ATP10B: variants seen among roughly 807,000 people sequenced by gnomAD.
ATP10B encodes phospholipid-transporting ATPase VB.
Under a neutral mutation model 141.2 loss-of-function variants are expected in ATP10B, and 122 were observed. The ratio of observed to expected loss-of-function variants is 0.86; its 90% CI spans 0.75 to 1.00. ATP10B has a LOEUF of 1.00. Ranked by LOEUF, ATP10B falls within the 50% of genes least tolerant of loss-of-function variation. The probability of loss-of-function intolerance (pLI) is 0.00; values close to 1 mark genes in which losing one functional copy is unlikely to be tolerated. For synonymous variants in ATP10B, 685 were observed against 692.0 expected (o/e 0.99, Z 0.16); for missense variants, 1,876 against 1,825.3 (o/e 1.03, Z -0.51).
At chr5:160,795,642 T>C (rs1021125013) in intron 1 of ATP10B, among the ~76,000 whole-genome samples, 1 of 151,592 alleles carries the variant, frequency 6.6e-6, no homozygotes, top group Non-Finnish European at 1.5e-5. Context: ...GTTGAGAGGA[T>C]CATCCTAGAT....
At chr5:160,658,186 A>T (rs1427162786) in intron 7 of ATP10B, among the ~76,000 whole-genome samples, 1 of 152,236 alleles carries the variant, frequency 6.6e-6, no homozygotes, top group Non-Finnish European at 1.5e-5. Flanking sequence ...CAACAGGAGG[A>T]CCTCATCAGA....
At chr5:160,574,133 G>T (rs1755047594) in intron 24 of ATP10B, among the ~76,000 whole-genome samples, 1 of 152,074 alleles carries the variant, frequency 6.6e-6, no homozygotes, top group South Asian at 2.1e-4. Flanking sequence ...ATTTTATTTA[G>T]AATTTTCTAC....
intron 10 of ATP10B, among the ~76,000 whole-genome samples, chr5:160,639,552 G>T (rs1158873341): frequency 1.3e-5 from 2 of 152,176 alleles, no homozygotes; most frequent in Non-Finnish European, 2.9e-5. Flanking sequence ...ACAGACTAAG[G>T]ACTATAGGCA....
chr5:160,597,153 G>A (rs1756757756), intron 22 of ATP10B, among the ~76,000 whole-genome samples: 1 of 152,114 alleles, frequency 6.6e-6, no homozygotes, highest in South Asian at 2.1e-4. Flanking sequence ...TATACTACAA[G>A]GCTACAGTAA....
intron 22 of ATP10B, 99 bp downstream of exon 22, chr5:160,598,671 T>C: frequency 9.1e-7 from 1 of 1,093,774 alleles, no homozygotes; most frequent in South Asian, 1.5e-5. Flanking sequence ...TGCAGGCTTC[T>C]GACCCCAGCA....
intron 1 of ATP10B, among the ~76,000 whole-genome samples, chr5:160,841,742 T>C (rs1455503324): frequency 6.6e-6 from 1 of 152,172 alleles, no homozygotes; most frequent in Non-Finnish European, 1.5e-5. Context: ...TTATTATTTT[T>C]TTAAAGAAGT....
At chr5:160,667,009 G>A (rs1324423427) in intron 7 of ATP10B, among the ~76,000 whole-genome samples, 1 of 152,084 alleles carries the variant, frequency 6.6e-6, no homozygotes, top group African/African-American at 2.4e-5. Flanking sequence ...ATGAGGTCAG[G>A]AAATCGAGAC....
At chr5:160,676,170 C>A (rs1763018926) in intron 6 of ATP10B, among the ~76,000 whole-genome samples, 1 of 152,110 alleles carries the variant, frequency 6.6e-6, no homozygotes. Flanking sequence ...CTGGGGATAA[C>A]CCACTCCTGA....
intron 22 of ATP10B, among the ~76,000 whole-genome samples, chr5:160,591,502 T>C (rs544236608): frequency 6.6e-6 from 1 of 152,226 alleles, no homozygotes; most frequent in Non-Finnish European, 1.5e-5. Flanking sequence ...TTGTTATCAA[T>C]CATTAGTTCT....
At chr5:160,794,350 A>T (rs1256770277) in intron 1 of ATP10B, among the ~76,000 whole-genome samples, 1 of 152,104 alleles carries the variant, frequency 6.6e-6, no homozygotes, top group Non-Finnish European at 1.5e-5. Flanking sequence ...TGTGATTCTG[A>T]TGGGGCTGCT....
In ATP10B at chr5:160,620,556, AAG is replaced by A; in HGVS notation, c.2205_2206del (p.Phe736HisfsTer8). 6.2e-7 allele frequency: 1 copy of A among 1,614,102 alleles called. No individual in the cohort carries two copies. Among genetic ancestry groups the A allele is most frequent in the Non-Finnish European group, 8.5e-7 (1 of 1,179,978 alleles). On this transcript the variant is annotated frameshift_variant, in exon 15 of 26. Transcript: ENST00000327245. LOFTEE classifies it high-confidence loss of function. Reference sequence around the variant, plus strand: ...CTCAGGTGTCCGGGACACTAGTGTGAAGCTGTAGGCATGGGCAGCGTGCACCA... The same window carrying A: ...CTCAGGTGTCCGGGACACTAGTGTGACTGTAGGCATGGGCAGCGTGCACCA...
intron 2 of ATP10B, among the ~76,000 whole-genome samples, chr5:160,781,643 G>T (rs898055022): frequency 6.6e-6 from 1 of 152,148 alleles, no homozygotes; most frequent in African/African-American, 2.4e-5. Context: ...TCATTTTCCA[G>T]TGTGTTTTGG....
intron 2 of ATP10B, among the ~76,000 whole-genome samples, chr5:160,720,021 C>T (rs896464920): frequency 1.6e-4 from 24 of 152,316 alleles, no homozygotes; most frequent in East Asian, 1.3e-3. Context: ...TGCATTTCTT[C>T]CTTCAGTAAA....
intron 1 of ATP10B, among the ~76,000 whole-genome samples, chr5:160,828,867 C>A (rs953701507): frequency 6.7e-5 from 10 of 149,940 alleles, no homozygotes; most frequent in African/African-American, 2.4e-4. Context: ...CCATGGAATA[C>A]TATGCAGCCA....
the ATP10B span, among the ~76,000 whole-genome samples, chr5:160,872,462 T>C: frequency 6.6e-6 from 1 of 152,216 alleles, no homozygotes; most frequent in Non-Finnish European, 1.5e-5. Flanking sequence ...TAAACCAATG[T>C]CTAGAAAGGC....
At chr5:160,928,607 G>A in the ATP10B span, among the ~76,000 whole-genome samples, 1 of 152,074 alleles carries the variant, frequency 6.6e-6, no homozygotes, top group East Asian at 1.9e-4. Context: ...TGCCTCATGG[G>A]CTTGTAATAA....
At chr5:160,611,701 TAGTCTACATC>T (rs770908678) in intron 18 of ATP10B, 5 of 152,276 alleles carry the variant, frequency 3.3e-5, no homozygotes. Flanking sequence ...CATTCTACTG[TAGTCTACATC>T]AGCCTCAGAC....
At chr5:160,602,236 G>T (rs1182033783) in intron 21 of ATP10B, among the ~76,000 whole-genome samples, 1 of 152,170 alleles carries the variant, frequency 6.6e-6, no homozygotes, top group East Asian at 1.9e-4. Context: ...TTTACAGATG[G>T]TAAAACTGAG....
intron 6 of ATP10B, among the ~76,000 whole-genome samples, chr5:160,682,856 G>A (rs964881918): frequency 7.2e-5 from 11 of 151,930 alleles, no homozygotes; most frequent in Non-Finnish European, 1.0e-4. Flanking sequence ...TGGCTAACAT[G>A]GTGAAACCCC....
Sources: allele counts gnomAD v4.1 joint callset (sites outside exome capture counted in the v4.1 genomes callset), GRCh38; gene constraint gnomAD v4.1.1; transcripts MANE v1.5; gene names NCBI Gene and HGNC (gene_info 2026-07-23, HGNC 2026-07-21).